AGBL1: variants seen among roughly 807,000 people sequenced by gnomAD.
AGBL1 encodes cytosolic carboxypeptidase 4.
Under a neutral mutation model 118.9 loss-of-function variants are expected in AGBL1, and 130 were observed. The observed-to-expected ratio is 1.09, with a 90% confidence interval of 0.95 to 1.26. AGBL1 has a LOEUF of 1.26. Ranked by LOEUF, AGBL1 falls within the 50% of genes most tolerant of loss-of-function variation. AGBL1 has a pLI of 0.00. For missense variants in AGBL1, 1,584 were observed against 1,298.1 expected (o/e 1.22, Z -3.38); for synonymous variants, 555 against 478.9 (o/e 1.16, Z -2.08).
rs756831984 is a variant in AGBL1 at position 86,256,983 on chromosome 15, G to C, written c.866G>C (p.Cys289Ser). Residue 289 changes from cysteine (C) to serine (S), a missense_variant, in exon 8 of 23, where the codon TGC (cysteine) becomes TCC (serine). Physicochemically the swap from Cys to Ser is moderately radical, Grantham distance 112 (BLOSUM62 -1). Coordinates refer to ENST00000614907, the MANE Select transcript of AGBL1 (RefSeq NM_001386094.1). The stretch of plus-strand genomic sequence containing the variant: ...GCCTATGCCTTCCCGGTCCCCGGGT[G>C]CATCACCACTGAACCTCCACATGAT... ...SSAYAFPVPGCITTEPPHDLP... is the reference protein window; with the variant it reads ...SSAYAFPVPGSITTEPPHDLP... 6.2e-7 allele frequency: 1 copy of C among 1,613,888 alleles called. No individual in the cohort carries two copies. The highest frequency in any genetic ancestry group is 1.7e-5 in the Admixed American group (1 of 59,990).
At chr15:86,171,507 T>C (rs1201462568) in intron 5 of AGBL1, among the ~76,000 whole-genome samples, 2 of 151,852 alleles carry the variant, frequency 1.3e-5, no homozygotes, top group African/African-American at 4.8e-5. Context: ...GGCTAATGAG[T>C]TGACAAGAAG....
At chr15:86,222,167 G>C (rs2078290702) in intron 5 of AGBL1, among the ~76,000 whole-genome samples, 1 of 152,028 alleles carries the variant, frequency 6.6e-6, no homozygotes, top group South Asian at 2.1e-4. Context: ...TGCTTGCCTG[G>C]CTATGATGAT....
intron 17 of AGBL1, among the ~76,000 whole-genome samples, chr15:86,370,539 C>T (rs1489070415): frequency 1.3e-5 from 2 of 152,124 alleles, no homozygotes; most frequent in Non-Finnish European, 2.9e-5. Flanking sequence ...AGGTGATCCA[C>T]CCACCTCAGC....
At chr15:86,714,925 G>C (rs573306451) in intron 22 of AGBL1, among the ~76,000 whole-genome samples, 1 of 152,152 alleles carries the variant, frequency 6.6e-6, no homozygotes, top group African/African-American at 2.4e-5. Context: ...ATTTTAAGTG[G>C]TGTGCTCACC....
chr15:86,472,704 A>G (rs907941642), intron 18 of AGBL1, among the ~76,000 whole-genome samples: 3 of 152,230 alleles, frequency 2.0e-5, no homozygotes, highest in African/African-American at 7.2e-5. Context: ...GGATCACCTG[A>G]GGTCAGGAGT....
chr15:87,028,749 T>G, intron 24 of AGBL1: 2 of 1,430,074 alleles, frequency 1.4e-6, no homozygotes, highest in Non-Finnish European at 2.0e-6. Flanking sequence ...AAGGTCAATT[T>G]GCCAAACTTG....
intron 23 of AGBL1, among the ~76,000 whole-genome samples, chr15:86,945,378 A>G (rs1191876378): frequency 2.0e-5 from 3 of 152,118 alleles, no homozygotes; most frequent in East Asian, 3.8e-4. Context: ...AAAAGATAGT[A>G]AAAAACCAGC....
chr15:86,472,747 C>T (rs766822526), intron 18 of AGBL1, among the ~76,000 whole-genome samples: 5 of 152,118 alleles, frequency 3.3e-5, no homozygotes, highest in South Asian at 2.1e-4. Flanking sequence ...GATGAAGCCC[C>T]GTCTCTACTA....
chr15:86,541,445 A>T (rs2083492707), intron 19 of AGBL1, among the ~76,000 whole-genome samples: 1 of 152,064 alleles, frequency 6.6e-6, no homozygotes, highest in Non-Finnish European at 1.5e-5. Context: ...TTTAAAAATT[A>T]GCCACGTATG....
intron 22 of AGBL1, among the ~76,000 whole-genome samples, chr15:86,736,109 A>G (rs2077593416): frequency 6.6e-6 from 1 of 152,104 alleles, no homozygotes; most frequent in Non-Finnish European, 1.5e-5. Flanking sequence ...TGGGCCAGGC[A>G]TGGTGACTCT....
intron 15 of AGBL1, among the ~76,000 whole-genome samples, chr15:86,272,986 T>A (rs1350733302): frequency 6.6e-6 from 1 of 152,042 alleles, no homozygotes; most frequent in Non-Finnish European, 1.5e-5. Flanking sequence ...GAAAAAAAAA[T>A]GAAAACCTAC....
chr15:87,025,532 C>T (rs927200692), intron 24 of AGBL1, among the ~76,000 whole-genome samples: 4 of 152,166 alleles, frequency 2.6e-5, no homozygotes, highest in African/African-American at 9.6e-5. Flanking sequence ...ATCCCATGCT[C>T]ATGGATGGGT....
chr15:86,763,681 G>A (rs1016777851), intron 22 of AGBL1, among the ~76,000 whole-genome samples: 2 of 151,938 alleles, frequency 1.3e-5, no homozygotes, highest in African/African-American at 4.8e-5. Context: ...ATAGGAAATG[G>A]GAATCAGAAG....
Position 86,225,041 on chromosome 15 carries a change from T to C in AGBL1, c.526+90T>C, listed in dbSNP as rs557659094. ...GGTCCCCATGGCTGTTTCTTTTTTT[T>C]TTTTTTTCATGAACTACTATTTCTC... is the stretch of plus-strand genomic sequence containing the variant. On this transcript the variant is annotated intron_variant, in intron 6 of 22. Coordinates refer to ENST00000614907, the MANE Select transcript of AGBL1 (RefSeq NM_001386094.1). 81 of 1,345,632 alleles carry C rather than the reference T, an allele frequency of 6.0e-5. No individual in the cohort carries two copies. The East Asian group carries it at 1.4e-3, about 23-fold the overall frequency. 83.4% of individuals were successfully genotyped at this position (1,345,632 alleles called of 1,614,324 possible).
At chr15:86,703,264 G>C (rs767205381) in intron 22 of AGBL1, among the ~76,000 whole-genome samples, 1 of 152,098 alleles carries the variant, frequency 6.6e-6, no homozygotes, top group Non-Finnish European at 1.5e-5. Flanking sequence ...AAAACAGTTT[G>C]GATACACTGA....
chr15:86,522,901 C>T lies in AGBL1; in HGVS notation c.2647C>T (p.Leu883Phe). 6.2e-7 allele frequency: 1 copy of T among 1,613,998 alleles called. No homozygotes were observed. The highest frequency in any genetic ancestry group is 8.5e-7 in the Non-Finnish European group (1 of 1,179,864). ...GCCAACCATTTACCATGCCAAAGGC[C>T]TCCTCTACCACCTGAGCAGCATTGG... ...LQPTIYHAKG[L>F]LYHLSSIGRS... is the part of the protein sequence containing the mutation. Residue 883 changes from leucine (L) to phenylalanine (F), a missense_variant, in exon 19 of 23, where the codon CTC becomes TTC. Transcript: ENST00000614907.
At chr15:86,291,475 G>A (rs770564305) in intron 16 of AGBL1, among the ~76,000 whole-genome samples, 2 of 152,132 alleles carry the variant, frequency 1.3e-5, no homozygotes, top group Non-Finnish European at 2.9e-5. Flanking sequence ...TGAGCAGTGA[G>A]TTAAGATTGG....
chr15:86,456,336 T>C (rs1206685272), intron 18 of AGBL1, among the ~76,000 whole-genome samples: 1 of 152,236 alleles, frequency 6.6e-6, no homozygotes, highest in African/African-American at 2.4e-5. Context: ...ATACTGTTTC[T>C]CTTTTCCTTC....
chr15:86,093,255 A>G (rs1404133033), intron 1 of AGBL1, among the ~76,000 whole-genome samples: 1 of 152,176 alleles, frequency 6.6e-6, no homozygotes, highest in Non-Finnish European at 1.5e-5. Flanking sequence ...AAGACTTGAA[A>G]AGGTGGTCTC....
Sources: gnomAD v4.1 joint callset for allele counts (sites outside exome capture counted in the v4.1 genomes callset) on GRCh38, gnomAD v4.1.1 for gene constraint, MANE v1.5 for transcripts, NCBI Gene and HGNC (gene_info 2026-07-23, HGNC 2026-07-21) for gene names.